The following RANBP2 variants were observed in gnomAD, a reference collection of about 807,000 sequenced individuals.
RANBP2 encodes the protein RAN binding protein 2.
Under a neutral mutation model 303.6 loss-of-function variants are expected in RANBP2, and 57 were observed. The ratio of observed to expected loss-of-function variants is 0.19; its 90% CI spans 0.15 to 0.23. RANBP2 has a LOEUF of 0.23. Among genes scored for constraint, RANBP2 ranks in the 10% least tolerant of loss-of-function variants. RANBP2 has a pLI of 1.00. For missense variants in RANBP2, 3,138 were observed against 3,780.8 expected (o/e 0.83, Z 4.46); for synonymous variants, 1,167 against 1,301.5 (o/e 0.90, Z 2.23).
intron 1 of RANBP2, among the ~76,000 whole-genome samples, chr2:108,724,322 C>T (rs543700162): frequency 6.6e-5 from 10 of 152,166 alleles, no homozygotes; most frequent in Admixed American, 2.6e-4. Flanking sequence ...CCACCATGCC[C>T]GGCTAATTTT....
At chr2:109,045,826 T>C in the RANBP2 span, among the ~76,000 whole-genome samples, 1 of 152,264 alleles carries the variant, frequency 6.6e-6, no homozygotes, top group Non-Finnish European at 1.5e-5. Context: ...AGTGCTCACC[T>C]GAAAGGGACT....
chr2:108,976,326 G>T, the RANBP2 span, among the ~76,000 whole-genome samples: 1 of 152,194 alleles, frequency 6.6e-6, no homozygotes, highest in African/African-American at 2.4e-5. Context: ...ACAGACTGGG[G>T]CTATGGGTTT....
the RANBP2 span, among the ~76,000 whole-genome samples, chr2:108,960,306 T>A: frequency 6.6e-6 from 1 of 152,198 alleles, no homozygotes; most frequent in African/African-American, 2.4e-5. Flanking sequence ...TCCTAGGAGA[T>A]TGTCTGAACA....
the RANBP2 span, among the ~76,000 whole-genome samples, chr2:109,724,614 C>T: frequency 5.9e-5 from 9 of 152,270 alleles, no homozygotes; most frequent in Middle Eastern, 0.014. Context: ...AAGGGTGCGC[C>T]TTGTACCCCA....
At chr2:108,906,394 A>T in the RANBP2 span, 1 of 1,613,732 alleles carries the variant, frequency 6.2e-7, no homozygotes, top group Admixed American at 1.7e-5. Flanking sequence ...GAGAATTTTC[A>T]TCTCCAGAAA....
At chr2:109,564,397 T>C in the RANBP2 span, 18 of 1,589,396 alleles carry the variant, frequency 1.1e-5, no homozygotes, top group Non-Finnish European at 8.6e-6. Context: ...CCCACATCTG[T>C]AAAGCCCATT....
chr2:108,824,695 TTATC>T, the RANBP2 span, among the ~76,000 whole-genome samples: 1 of 152,248 alleles, frequency 6.6e-6, no homozygotes, highest in East Asian at 1.9e-4. Context: ...TTTATTATCT[TTATC>T]AAGTAGTATG....
At chr2:109,427,253 G>A in the RANBP2 span, among the ~76,000 whole-genome samples, 1 of 152,162 alleles carries the variant, frequency 6.6e-6, no homozygotes, top group South Asian at 2.1e-4. Context: ...ACAGGCGTGA[G>A]TCACCGTGCC....
chr2:109,060,245 A>G, the RANBP2 span, among the ~76,000 whole-genome samples: 2 of 152,326 alleles, frequency 1.3e-5, no homozygotes, highest in East Asian at 3.9e-4. Context: ...TAATACACAT[A>G]CTTAGAAACT....
At chr2:109,553,265 T>G in the RANBP2 span, 3 of 1,605,478 alleles carry the variant, frequency 1.9e-6, no homozygotes, top group East Asian at 4.5e-5. Context: ...GTGATATAGG[T>G]CGGGTATGGC....
the RANBP2 span, among the ~76,000 whole-genome samples, chr2:108,831,090 G>A: frequency 9.9e-5 from 15 of 151,874 alleles, no homozygotes; most frequent in African/African-American, 1.9e-4. Flanking sequence ...CACCAGAATC[G>A]CTTAAACCCC....
the RANBP2 span, among the ~76,000 whole-genome samples, chr2:108,948,499 A>C: frequency 6.6e-6 from 1 of 152,164 alleles, no homozygotes; most frequent in African/African-American, 2.4e-5. Context: ...AGACTGGGTA[A>C]TTTATAAAGA....
the RANBP2 span, among the ~76,000 whole-genome samples, chr2:108,846,039 T>C: frequency 6.6e-6 from 1 of 152,188 alleles, no homozygotes; most frequent in African/African-American, 2.4e-5. Context: ...CTAAAAGTTT[T>C]TGGAGTCACT....
the RANBP2 span, among the ~76,000 whole-genome samples, chr2:109,610,815 A>C: frequency 6.6e-6 from 1 of 152,240 alleles, no homozygotes; most frequent in South Asian, 2.1e-4. Context: ...ATAAACATTT[A>C]ATGTAATTCC....
At chr2:109,041,056 AAAAAT>A in the RANBP2 span, among the ~76,000 whole-genome samples, 9 of 152,228 alleles carry the variant, frequency 5.9e-5, no homozygotes, top group African/African-American at 9.6e-5. Flanking sequence ...ACTCCGTCTC[AAAAAT>A]AAAATAAAAA....
the RANBP2 span, among the ~76,000 whole-genome samples, chr2:108,925,040 T>C: frequency 4.7e-3 from 723 of 152,304 alleles, 8 homozygotes; most frequent in South Asian, 0.022. Context: ...TCCTCCACCT[T>C]TTCTCACTCT....
At chr2:109,643,711 A>G in the RANBP2 span, among the ~76,000 whole-genome samples, 1 of 146,264 alleles carries the variant, frequency 6.8e-6, no homozygotes, top group East Asian at 2.1e-4. Context: ...GTTGCAGTGA[A>G]CTGAGATCAC....
the RANBP2 span, among the ~76,000 whole-genome samples, chr2:109,513,567 C>T: frequency 6.6e-6 from 1 of 152,204 alleles, no homozygotes; most frequent in East Asian, 1.9e-4. Flanking sequence ...CATGCACACA[C>T]CACACAAGCC....
In RANBP2 at chr2:108,767,981, A is replaced by C. The variant is rs775801728; in HGVS notation, c.7442A>C (p.Asp2481Ala). The C allele has an allele frequency of 7.4e-6, 12 of 1,611,958 alleles. No homozygotes were observed. In the South Asian group the frequency reaches 1.3e-4, roughly 18 times the overall value. The change falls in exon 20 of 29, where the codon GAT becomes GCT. Residue 2481 changes from aspartate (D) to alanine (A), a missense_variant. Around this residue, in one of 20 missense-constraint regions of RANBP2, gnomAD observed 497 missense variants for 465.8 expected, o/e 1.07. Coordinates refer to ENST00000283195, the MANE Select transcript of RANBP2 (RefSeq NM_006267.5). The stretch of plus-strand genomic sequence containing the variant: ...GAAGAAACCACAAGAGAGAGGACAG[A>C]TGTTATTCAGGGTGATGATGTAGCA... ...VLEETTRERT[D>A]VIQGDDVADA...
Sources: allele counts gnomAD v4.1 joint callset (sites outside exome capture counted in the v4.1 genomes callset), GRCh38; gene constraint gnomAD v4.1.1; regional missense constraint gnomAD v4.1.1; transcripts MANE v1.5; gene names NCBI Gene and HGNC (gene_info 2026-07-23, HGNC 2026-07-21).